Variants in CERS4 observed in about 807,000 individuals in gnomAD.
The protein encoded by CERS4 is ceramide synthase 4, also known as LAG1 homolog, ceramide synthase 4.
Under a neutral mutation model 51.8 loss-of-function variants are expected in CERS4, and 65 were observed. The ratio of observed to expected loss-of-function variants is 1.26; its 90% confidence interval spans 1.03 to 1.54. The LOEUF (loss-of-function observed/expected upper bound fraction) is 1.54, where lower values mean the gene tolerates loss of function less well. CERS4 is among the 40% of genes most tolerant of loss of function. The pLI is 0.00. For synonymous variants in CERS4, 228 were observed against 208.4 expected, an observed-to-expected ratio of 1.09 and a Z score of -0.81; for missense variants, 563 against 500.4, an observed-to-expected ratio of 1.13 and a Z score of -1.19.
In CERS4 at chr19:8,262,005, C is replaced by A. The variant is rs1221436581; in HGVS notation, c.1081C>A (p.Gln361Lys). The change falls in exon 12 of 12, where the codon CAG (glutamine) becomes AAG (lysine). Residue 361 changes from glutamine (Q) to lysine (K), a missense_variant. By Grantham distance (53) the Gln-to-Lys change is moderately conservative. Transcript: ENST00000251363. Reference sequence around the variant, plus strand: ...GGCGGCGGCGGCCCAGGAACCTCTGCAGCTAAAGAACGGGGCAGCTGGAGG... The same window carrying A: ...GGCGGCGGCGGCCCAGGAACCTCTGAAGCTAAAGAACGGGGCAGCTGGAGG... ...EEAAAAQEPL[Q>K]LKNGAAGGPR... 1 of 1,593,768 alleles carries A rather than the reference C, an allele frequency of 6.3e-7. No homozygotes were observed. The highest frequency in any genetic ancestry group is 8.5e-7 in the Non-Finnish European group (1 of 1,171,078).
At chr19:8,231,851 A>ATGTTTTTTTTTTTTTTTTT (rs1968019354) in intron 2 of CERS4, among the ~76,000 whole-genome samples, 1 of 104,424 alleles carries the variant, frequency 9.6e-6, no homozygotes, top group African/African-American at 4.2e-5. Context: ...TGTGCCCAGC[A>ATGTTTTTTTTTTTTTTTTT]TTTTTTTTTT....
chr19:8,249,718 G>A lies in CERS4; in HGVS notation c.-1-1358G>A, dbSNP rs577582383. 6.8e-5 allele frequency among the ~76,000 whole-genome samples: 10 copies of A among 147,340 alleles called. No individual in the cohort carries two copies. In the South Asian group the frequency reaches 2.2e-3, roughly 32 times the overall value. On this transcript the variant is annotated intron_variant, in intron 2 of 11. Transcript: ENST00000251363. Reference sequence around the variant, plus strand: ...GCAATTCTCTGCCTCAGCCTCCCGAGTAGCTGGGATTACAGGCGCACACCA... The same window carrying A: ...GCAATTCTCTGCCTCAGCCTCCCGAATAGCTGGGATTACAGGCGCACACCA...
chr19:8,261,636 G>C (rs913075964), intron 10 of CERS4, 52 bp from the exon 11 acceptor site: 2 of 1,606,410 alleles, frequency 1.2e-6, no homozygotes, highest in African/African-American at 2.7e-5. Flanking sequence ...TTAGGACTGG[G>C]GGCTACAGCG....
At chr19:8,216,227 A>C (rs1967294070) in intron 2 of CERS4, among the ~76,000 whole-genome samples, 1 of 151,670 alleles carries the variant, frequency 6.6e-6, no homozygotes, top group South Asian at 2.1e-4. Flanking sequence ...AAAAATGCAA[A>C]GATTAGCCAG....
At chr19:8,232,633 C>T (rs186122489) in intron 2 of CERS4, among the ~76,000 whole-genome samples, 33 of 152,154 alleles carry the variant, frequency 2.2e-4, no homozygotes, top group Admixed American at 7.2e-4. Flanking sequence ...TATCTGAATT[C>T]TGCAAAGTGG....
At chr19:8,237,316 C>T (rs1215231266) in intron 2 of CERS4, among the ~76,000 whole-genome samples, 7 of 151,996 alleles carry the variant, frequency 4.6e-5, no homozygotes, top group South Asian at 4.1e-4. Flanking sequence ...CTTTGGGAGG[C>T]GGAGGCGGGC....
In CERS4 at chr19:8,221,709, A is replaced by G. The variant is rs111546554; in HGVS notation, c.-2+10847A>G. On this transcript the variant is annotated intron_variant, in intron 2 of 11. Coordinates refer to ENST00000251363, the MANE Select transcript of CERS4 (RefSeq NM_024552.3). ...TACCATGCCCAGCTAATTTTTTTGT[A>G]TTATTAGTAGAGACGAGGCTTCACC... is the stretch of plus-strand genomic sequence containing the variant. 6.6e-3 allele frequency among the ~76,000 whole-genome samples: 987 copies of G among 148,548 alleles called. 15 individuals are homozygous for G. The highest frequency in any genetic ancestry group is 0.023 in the African/African-American group (937 of 40,328).
In CERS4 at chr19:8,247,608, CAG is replaced by C. The variant is rs1306467196; in HGVS notation, c.-1-3467_-1-3466del. ...CTACTTTTTAAATTTTTTGTAGAGACAGGGTCTTGCTATGTTGCCCAGGCTGG... is the reference window on the plus strand; with the variant it reads ...CTACTTTTTAAATTTTTTGTAGAGACGGTCTTGCTATGTTGCCCAGGCTGG... On this transcript the variant is annotated intron_variant, in intron 2 of 11. Coordinates refer to ENST00000251363, the MANE Select transcript of CERS4 (RefSeq NM_024552.3). Among the ~76,000 whole-genome samples the C allele has an allele frequency of 2.0e-5, 3 of 152,082 alleles. 1 individual carries two copies. The highest frequency in any genetic ancestry group is 1.3e-4 in the Admixed American group (2 of 15,254).
Position 8,256,599 on chromosome 19 carries a change from TTGTCC to T in CERS4, c.520-11_520-7del, listed in dbSNP as rs748705811. 1.2e-6 allele frequency: 2 copies of T among 1,603,662 alleles called. No individual in the cohort carries two copies. Among genetic ancestry groups the T allele is most frequent in the Non-Finnish European group, 8.5e-7 (1 of 1,175,814 alleles). ...GAGCCTTCGCTCCCCACAGCTAACCTTGTCCTGTCCTGCTGCAGACTCTGAAGCCA... is the reference window on the plus strand; with the variant it reads ...GAGCCTTCGCTCCCCACAGCTAACCTTGTCCTGCTGCAGACTCTGAAGCCA... On this transcript the variant is annotated splice_polypyrimidine_tract_variant and intron_variant, in intron 7 of 11. Coordinates refer to ENST00000251363, the MANE Select transcript of CERS4 (RefSeq NM_024552.3).
intron 2 of CERS4, among the ~76,000 whole-genome samples, chr19:8,225,574 C>A (rs1391759542): frequency 2.0e-5 from 3 of 151,810 alleles, no homozygotes; most frequent in African/African-American, 7.3e-5. Context: ...CAGGTGCCCG[C>A]CACCAAGCCC....
intron 10 of CERS4, among the ~76,000 whole-genome samples, chr19:8,260,290 G>T (rs1175347599): frequency 2.1e-5 from 3 of 146,138 alleles, no homozygotes; most frequent in Non-Finnish European, 4.5e-5. Flanking sequence ...CGCCTCCCGG[G>T]TTCAAGCAAT....
intron 2 of CERS4, among the ~76,000 whole-genome samples, chr19:8,220,646 T>C (rs944380466): frequency 6.6e-6 from 1 of 152,036 alleles, no homozygotes; most frequent in Non-Finnish European, 1.5e-5. Context: ...CCACTCTGGC[T>C]GCTGTCACCT....
At chr19:8,223,973 G>T (rs560233875) in intron 2 of CERS4, among the ~76,000 whole-genome samples, 151 of 150,918 alleles carry the variant, frequency 1.0e-3, no homozygotes, top group African/African-American at 3.6e-3. Context: ...ATCATGGTGC[G>T]TGTCTGTAGT....
intron 2 of CERS4, 177 bp from the exon 3 acceptor site, chr19:8,250,899 G>C (rs1969043375): frequency 6.3e-6 from 9 of 1,438,140 alleles, no homozygotes; most frequent in Non-Finnish European, 7.3e-6. Context: ...TCTGGGACCA[G>C]AGGACAGTTC....
In CERS4 at chr19:8,210,819, G is replaced by A. The variant is rs965721938; in HGVS notation, c.-45G>A. 6.6e-6 allele frequency: 1 copy of A among 152,356 alleles called. No individual in the cohort carries two copies. Among genetic ancestry groups the A allele is most frequent in the East Asian group, 1.9e-4 (1 of 5,182 alleles). The allele number at this position is 152,356 out of a possible 1,614,324, so 9.4% of individuals were successfully genotyped here. Reference sequence around the variant, plus strand: ...CAGGCGTGGAGGAAGAGGCATTGAGGACTTTCCTTACCTGTTTTTCCAGCT... The same window carrying A: ...CAGGCGTGGAGGAAGAGGCATTGAGAACTTTCCTTACCTGTTTTTCCAGCT... On this transcript the variant is annotated 5_prime_UTR_variant, in exon 2 of 12. Coordinates refer to ENST00000251363, the MANE Select transcript of CERS4 (RefSeq NM_024552.3). This position sits in a 1 kb window ranked among gnomAD's most constrained non-coding sequence, Gnocchi z 4.2.
Position 8,251,247 on chromosome 19 carries a change from G to A in CERS4, c.171G>A (p.Glu57=). The A allele has an allele frequency of 6.3e-7, 1 of 1,599,548 alleles. No homozygotes were observed. The highest frequency in any genetic ancestry group is 8.5e-7 in the Non-Finnish European group (1 of 1,173,204). The change falls in exon 3 of 12, where the codon GAG becomes GAA. Residue 57 remains glutamate, a splice_region_variant and synonymous_variant. Transcript: ENST00000251363. The part of the protein sequence containing the change: ...LVLLAMRLAF[E]RFIGLPLSRW... ...TCCTGGCCATGCGCCTTGCCTTTGAGAGGTGAGTGTCTGCCCTGCCGCAAT... is the reference window on the plus strand; with the variant it reads ...TCCTGGCCATGCGCCTTGCCTTTGAAAGGTGAGTGTCTGCCCTGCCGCAAT...
intron 2 of CERS4, among the ~76,000 whole-genome samples, chr19:8,224,156 C>A (rs562948696): frequency 6.7e-6 from 1 of 148,666 alleles, no homozygotes; most frequent in East Asian, 2.0e-4. Context: ...TGCCTGTAAT[C>A]CCAGCACTTT....
chr19:8,242,078 C>T lies in CERS4; in HGVS notation c.-1-8998C>T, dbSNP rs534190619. On this transcript the variant is annotated intron_variant, in intron 2 of 11. Transcript: ENST00000251363. Reference sequence around the variant, plus strand: ...AGACTCTGCCTCAATGCCCCAGGTGCAAGGTCTCTGAGCTGCTTAACCACC... The same window carrying T: ...AGACTCTGCCTCAATGCCCCAGGTGTAAGGTCTCTGAGCTGCTTAACCACC... 9.8e-5 allele frequency among the ~76,000 whole-genome samples: 15 copies of T among 152,288 alleles called. No individual in the cohort carries two copies. The East Asian group carries it at 2.7e-3, about 27-fold the overall frequency.
At chr19:8,256,007 G>C (rs550667498) in intron 6 of CERS4, 128 bp downstream of exon 6, 1 of 1,089,206 alleles carries the variant, frequency 9.2e-7, no homozygotes, top group African/African-American at 1.5e-5. Flanking sequence ...AGCGAGCTTT[G>C]CAAGATGGTG....
Sources: gnomAD v4.1 joint callset for allele counts (sites outside exome capture counted in the v4.1 genomes callset) on GRCh38, gnomAD v4.1.1 for gene constraint, Gnocchi (gnomAD v3.1) non-coding constraint, MANE v1.5 for transcripts, NCBI Gene and HGNC (gene_info 2026-07-23, HGNC 2026-07-21) for gene names.